Variants in CRYL1 observed in about 807,000 individuals in gnomAD.
CRYL1 encodes lambda-crystallin homolog.
In CRYL1, 29 loss-of-function variants were observed where a neutral mutation model predicts 36.6. The ratio of observed to expected loss-of-function variants is 0.79; its 90% CI spans 0.59 to 1.08. The LOEUF (loss-of-function observed/expected upper bound fraction) is 1.08. CRYL1 is among the 50% of genes least tolerant of loss of function. The pLI is 0.00. For missense variants in CRYL1, 411 were observed against 407.9 expected (o/e 1.01, Z -0.06); for synonymous variants, 152 against 151.5 (o/e 1.00, Z -0.02).
intron 3 of CRYL1, among the ~76,000 whole-genome samples, chr13:20,454,792 C>G (rs2032646576): frequency 1.3e-5 from 2 of 152,076 alleles, no homozygotes; most frequent in African/African-American, 4.8e-5. Flanking sequence ...TGAAAGGTAG[C>G]TATTATTCCT....
intron 3 of CRYL1, among the ~76,000 whole-genome samples, chr13:20,458,027 A>C (rs987372184): frequency 4.6e-5 from 7 of 152,186 alleles, no homozygotes; most frequent in Non-Finnish European, 8.8e-5. Flanking sequence ...AGTTATCAAA[A>C]AAATTGGTTC....
intron 2 of CRYL1, chr13:20,502,627 C>T (rs111696306): frequency 0.037 from 5,568 of 152,546 alleles, 250 homozygotes; most frequent in African/African-American, 0.11. Flanking sequence ...TGCACTCCAG[C>T]CTGGGCGATA....
intron 4 of CRYL1, among the ~76,000 whole-genome samples, chr13:20,437,046 A>T (rs1382729685): frequency 6.6e-6 from 1 of 151,974 alleles, no homozygotes; most frequent in East Asian, 1.9e-4. Flanking sequence ...TTGTAATTCC[A>T]TCACTTTGGG....
chr13:20,503,340 GC>G (rs1312184193), intron 2 of CRYL1, among the ~76,000 whole-genome samples: 1 of 150,226 alleles, frequency 6.7e-6, no homozygotes, highest in Non-Finnish European at 1.5e-5. Flanking sequence ...GGCTGGCTCA[GC>G]TGGGCTCACT....
chr13:20,448,965 C>T (rs749626263), intron 3 of CRYL1, among the ~76,000 whole-genome samples: 2 of 152,142 alleles, frequency 1.3e-5, no homozygotes, highest in African/African-American at 2.4e-5. Flanking sequence ...GTCAGGGGTT[C>T]GAGACCAGCC....
At chr13:20,474,048 AGG>A (rs2033114664) in intron 3 of CRYL1, among the ~76,000 whole-genome samples, 1 of 152,162 alleles carries the variant, frequency 6.6e-6, no homozygotes, top group South Asian at 2.1e-4. Flanking sequence ...TGGGCTGGGA[AGG>A]GGACAGACAC....
rs1177978364 is a variant in CRYL1 at position 20,508,859 on chromosome 13, AAAAAAAAAAAAAAAAAC to A, written c.149+3567_149+3583del. On this transcript the variant is annotated intron_variant, in intron 2 of 7. Coordinates refer to ENST00000298248, the MANE Select transcript of CRYL1 (RefSeq NM_015974.3). ...GCAGAGCGAGACTCCAAAAAAAAAAAAAAAAAAAAAAAAAAACAAAAAAAAAAAACTGACAACAACAA... is the reference window on the plus strand; with the variant it reads ...GCAGAGCGAGACTCCAAAAAAAAAAAAAAAAAAAAAAACTGACAACAACAA... Among the ~76,000 whole-genome samples, 37 of 37,014 alleles carry A rather than the reference AAAAAAAAAAAAAAAAAC, an allele frequency of 1.0e-3. 2 individuals carry two copies. Among genetic ancestry groups the A allele is most frequent in the African/African-American group, 2.9e-3 (35 of 12,014 alleles). The allele number at this position is 37,014 out of a possible 152,430, so 24.3% of individuals were successfully genotyped here.
chr13:20,432,310 G>A lies in CRYL1; in HGVS notation c.439-14C>T. On this transcript the variant is annotated splice_polypyrimidine_tract_variant and intron_variant, in intron 4 of 7. Transcript: ENST00000298248. The stretch of plus-strand genomic sequence containing the variant: ...TGGCGGATTCACCTTAGGAGAGAGA[G>A]AGAAGTGGGGGAGTCAAGGAGATGA... 2 of 1,589,356 alleles carry A rather than the reference G, an allele frequency of 1.3e-6. No individual in the cohort carries two copies. Among genetic ancestry groups the A allele is most frequent in the Non-Finnish European group, 8.6e-7 (1 of 1,162,270 alleles).
Position 20,507,742 on chromosome 13 carries a change from C to T in CRYL1, c.149+4701G>A, listed in dbSNP as rs371576946. On this transcript the variant is annotated intron_variant, in intron 2 of 7. Coordinates refer to ENST00000298248, the MANE Select transcript of CRYL1 (RefSeq NM_015974.3). ...GACCATCCTGGCTAACACAGTGAAACCCCGTCTCTACTAAAAATATAAAAA... is the reference window on the plus strand; with the variant it reads ...GACCATCCTGGCTAACACAGTGAAATCCCGTCTCTACTAAAAATATAAAAA... Among the ~76,000 whole-genome samples the T allele has an allele frequency of 9.3e-4, 142 of 152,120 alleles. No homozygotes were observed. In the Middle Eastern group the frequency reaches 0.01, roughly 11 times the overall value.
intron 5 of CRYL1, among the ~76,000 whole-genome samples, chr13:20,424,188 C>T (rs1431075741): frequency 6.6e-6 from 1 of 152,164 alleles, no homozygotes; most frequent in African/African-American, 2.4e-5. Context: ...ACAGAGCTCT[C>T]TGCATTTGAA....
At position 20,481,417 on chromosome 13, in the gene CRYL1, G is replaced by A. The variant is rs1010551319; in HGVS notation, c.276+7953C>T. Among the ~76,000 whole-genome samples, 6 of 152,144 alleles carry A rather than the reference G, an allele frequency of 3.9e-5. No individual in the cohort carries two copies. The highest frequency in any genetic ancestry group is 1.4e-4 in the African/African-American group (6 of 41,430). ...TAGGGACAAAGAACAGATCAGTGGT[G>A]GGCAAGGCCTGGGGAACGGTGGGAG... On this transcript the variant is annotated intron_variant, in intron 3 of 7. Coordinates refer to ENST00000298248, the MANE Select transcript of CRYL1 (RefSeq NM_015974.3). The surrounding 1 kb of genome is among the most constrained non-coding windows in gnomAD (Gnocchi z 4.1).
chr13:20,514,126 T>A (rs552519279), intron 1 of CRYL1, among the ~76,000 whole-genome samples: 1 of 152,228 alleles, frequency 6.6e-6, no homozygotes, highest in South Asian at 2.1e-4. Context: ...ATGTAGTTAC[T>A]CCCCCTTAGG....
rs1035534593 is a variant in CRYL1 at position 20,525,839 on chromosome 13, C to T, written c.-45G>A. 6.6e-6 allele frequency: 8 copies of T among 1,208,806 alleles called. No homozygotes were observed. The highest frequency in any genetic ancestry group is 4.8e-5 in the African/African-American group (3 of 63,150). 74.9% of individuals were successfully genotyped at this position (1,208,806 alleles called of 1,614,324 possible). A position where few individuals can be genotyped will look rare whatever the true frequency, so the allele number is the denominator to read the frequency against. ...CGCCGCGGGCGCTGGGACCAGGCGC[C>T]GGCGGAGCTGCGAGCTCTGGGCTCC... On this transcript the variant is annotated 5_prime_UTR_variant, in exon 1 of 8. Coordinates refer to ENST00000298248, the MANE Select transcript of CRYL1 (RefSeq NM_015974.3). The surrounding 1 kb of genome is among the most constrained non-coding windows in gnomAD (Gnocchi z 4.3).
chr13:20,456,410 G>C (rs2032683284), intron 3 of CRYL1, among the ~76,000 whole-genome samples: 1 of 151,034 alleles, frequency 6.6e-6, no homozygotes, highest in Non-Finnish European at 1.5e-5. Flanking sequence ...GGGAGGTGGA[G>C]GCTGCAGTGA....
chr13:20,515,572 G>C (rs779459579), intron 1 of CRYL1: 1 of 152,166 alleles, frequency 6.6e-6, no homozygotes, highest in Non-Finnish European at 1.5e-5. Context: ...ACAGCTATCT[G>C]TGTGCAGAGT....
intron 5 of CRYL1, chr13:20,431,111 C>A (rs935161401): frequency 1.0e-6 from 1 of 985,358 alleles, no homozygotes; most frequent in South Asian, 4.7e-5. Flanking sequence ...AGAAGCAGGC[C>A]GCGGGAGGCC....
At position 20,432,175 on chromosome 13, in the gene CRYL1, T is replaced by C. The variant is rs751046612; in HGVS notation, c.560A>G (p.Gln187Arg). The C allele has an allele frequency of 9.9e-6, 16 of 1,614,014 alleles. No homozygotes were observed. In the South Asian group the frequency reaches 1.6e-4, roughly 17 times the overall value. Residue 187 changes from glutamine (Q) to arginine (R), a missense_variant, in exon 5 of 8, where the codon CAG becomes CGG. Coordinates refer to ENST00000298248, the MANE Select transcript of CRYL1 (RefSeq NM_015974.3). ...KKIGQCPMRV[Q>R]KEVAGFVLNR... Reference sequence around the variant, plus strand: ...CAGAACGAAGCCGGCCACCTCCTTCTGGACTCGCATGGGGCACTGTCCAAT... The same window carrying C: ...CAGAACGAAGCCGGCCACCTCCTTCCGGACTCGCATGGGGCACTGTCCAAT...
At chr13:20,410,662 C>G (rs754978779) in intron 6 of CRYL1, among the ~76,000 whole-genome samples, 1 of 152,074 alleles carries the variant, frequency 6.6e-6, no homozygotes, top group Non-Finnish European at 1.5e-5. Context: ...AAAAGTAGTA[C>G]GTGAAAGAAA....
chr13:20,508,294 A>C (rs543382650), intron 2 of CRYL1, among the ~76,000 whole-genome samples: 1 of 152,336 alleles, frequency 6.6e-6, no homozygotes, highest in South Asian at 2.1e-4. Flanking sequence ...CAAGGACAGA[A>C]GGAGAAGCAT....
Sources: gnomAD v4.1 joint callset for allele counts (sites outside exome capture counted in the v4.1 genomes callset) on GRCh38, gnomAD v4.1.1 for gene constraint, Gnocchi (gnomAD v3.1) non-coding constraint, MANE v1.5 for transcripts, NCBI Gene and HGNC (gene_info 2026-07-23, HGNC 2026-07-21) for gene names.